PCDHA2: variants seen among roughly 807,000 people sequenced by gnomAD.
The protein encoded by PCDHA2 is protocadherin alpha 2, also known as protocadherin alpha-2.
In PCDHA2, 58 loss-of-function variants were observed where a neutral mutation model predicts 66.0. The ratio of observed to expected loss-of-function variants is 0.88; its 90% CI spans 0.71 to 1.09. PCDHA2 has a LOEUF of 1.09. Ranked by LOEUF, PCDHA2 falls within the 50% of genes least tolerant of loss-of-function variation. PCDHA2 has a pLI of 0.00. For missense variants in PCDHA2, 1,267 were observed against 1,242.3 expected, an observed-to-expected ratio of 1.02 and a Z score of -0.30; for synonymous variants, 634 against 554.0, an observed-to-expected ratio of 1.14 and a Z score of -2.03.
At chr5:140,981,289 C>G (rs1554242771) in intron 2 of PCDHA2, among the ~76,000 whole-genome samples, 1 of 152,138 alleles carries the variant, frequency 6.6e-6, no homozygotes, top group Non-Finnish European at 1.5e-5. Flanking sequence ...AAAGGGTCCT[C>G]TAGTCTAGGT....
chr5:140,997,668 T>TTGTGTGTGTGTG (rs35184029), intron 3 of PCDHA2, among the ~76,000 whole-genome samples: 18 of 148,344 alleles, frequency 1.2e-4, no homozygotes, highest in Middle Eastern at 3.4e-3. Flanking sequence ...ATTATACAGC[T>TTGTGTGTGTGTG]TGTGTGTGTG....
chr5:140,926,405 T>C (rs1554203436), intron 1 of PCDHA2: 1 of 152,454 alleles, frequency 6.6e-6, no homozygotes, highest in Non-Finnish European at 1.5e-5. Context: ...TTATCAGCAA[T>C]CTGCGGGCAG....
intron 1 of PCDHA2, chr5:140,825,159 C>CT (rs1768465166): frequency 6.6e-6 from 1 of 151,540 alleles, no homozygotes; most frequent in Non-Finnish European, 1.5e-5. Flanking sequence ...TTTAATCTTG[C>CT]TTTTTTCATT....
rs2150482959 is a variant in PCDHA2, at chr5:140,850,410, G to C, written c.2388+53058G>C. The C allele has an allele frequency of 5.8e-5, 93 of 1,597,818 alleles. 8 individuals carry two copies. The highest frequency in any genetic ancestry group is 7.6e-5 in the Non-Finnish European group (89 of 1,167,718). On this transcript the variant is annotated intron_variant, in intron 1 of 3. Coordinates refer to ENST00000526136, the MANE Select transcript of PCDHA2 (RefSeq NM_018905.3). ...GATCAGCACAACGCGTGCCCTGGAC[G>C]AAACGGACGCACCGCGCCAGCGCCT...
In PCDHA2 at chr5:140,883,730, G is replaced by A. The variant is rs140457638; in HGVS notation, c.2388+86378G>A. On this transcript the variant is annotated intron_variant, in intron 1 of 3. Transcript: ENST00000526136. ...TCAGGACGCGGACGCACAGGAGAAC[G>A]CGCTGGTCTCCTACTCGCTGGTGGA... The A allele has an allele frequency of 3.7e-6, 6 of 1,613,412 alleles. No individual in the cohort carries two copies. In the African/African-American group the frequency reaches 6.7e-5, roughly 18 times the overall value.
chr5:140,857,805 C>T lies in PCDHA2; in HGVS notation c.2388+60453C>T, dbSNP rs1311256758. On this transcript the variant is annotated intron_variant, in intron 1 of 3. Coordinates refer to ENST00000526136, the MANE Select transcript of PCDHA2 (RefSeq NM_018905.3). ...GAGCTGGTGCTGCGGTCGGTGGTTG[C>T]GGGTCACGTGGTGGCTAAGGTGCGC... The T allele has an allele frequency of 2.9e-5, 47 of 1,597,594 alleles. 7 individuals are homozygous for T. The highest frequency in any genetic ancestry group is 5.1e-5 in the Admixed American group (3 of 59,234).
rs782762108 is a variant in PCDHA2 at position 140,876,906 on chromosome 5, G to A, written c.2388+79554G>A. 3.7e-6 allele frequency: 6 copies of A among 1,613,910 alleles called. No homozygotes were observed. In the African/African-American group the frequency reaches 8.0e-5, roughly 22 times the overall value. On this transcript the variant is annotated intron_variant, in intron 1 of 3. Transcript: ENST00000526136. Reference sequence around the variant, plus strand: ...CGGGCTGCCACATCTTCACGGTGTCGGCATGGGACGCGGACGCGCAGAAGA... The same window carrying A: ...CGGGCTGCCACATCTTCACGGTGTCAGCATGGGACGCGGACGCGCAGAAGA...
intron 1 of PCDHA2, among the ~76,000 whole-genome samples, chr5:140,954,765 C>T (rs1305270750): frequency 6.6e-6 from 1 of 152,064 alleles, no homozygotes; most frequent in Non-Finnish European, 1.5e-5. Context: ...TGCAGAAGCT[C>T]TTTAATTTAA....
chr5:140,979,002 G>A lies in PCDHA2; in HGVS notation c.2442G>A (p.Met814Ile). 6.2e-7 allele frequency: 1 copy of A among 1,614,130 alleles called. No homozygotes were observed. The highest frequency in any genetic ancestry group is 8.5e-7 in the Non-Finnish European group (1 of 1,180,014). ...WRYSASLRAG[M>I]HSSVHLEEAG... ...ACTCTGCCTCCCTGAGAGCAGGCAT[G>A]CACAGGTATGTATTTCCCTCCTCAT... The change falls in exon 2 of 4, where the codon ATG becomes ATA. Residue 814 changes from methionine (M) to isoleucine (I), a missense_variant. Transcript: ENST00000526136.
chr5:140,823,261 C>A, intron 1 of PCDHA2: 4 of 1,613,028 alleles, frequency 2.5e-6, no homozygotes, highest in Non-Finnish European at 3.4e-6. Context: ...GCTGGTGGAG[C>A]GGCGGGTGGG....
At chr5:140,822,657 TA>T (rs2150118290) in intron 1 of PCDHA2, 18 of 1,608,594 alleles carry the variant, frequency 1.1e-5, no homozygotes, top group Non-Finnish European at 1.4e-5. Context: ...AATTTATAAT[TA>T]ATTCTAATAC....
At chr5:140,808,232 G>T (rs1554124466) in intron 1 of PCDHA2, 1 of 1,614,240 alleles carries the variant, frequency 6.2e-7, no homozygotes, top group Non-Finnish European at 8.5e-7. Flanking sequence ...TAATGTCCCA[G>T]ATTTGGAATT....
intron 1 of PCDHA2, chr5:140,883,731 C>T (rs1287936712): frequency 6.2e-7 from 1 of 1,613,446 alleles, no homozygotes; most frequent in East Asian, 2.2e-5. Flanking sequence ...CAGGAGAACG[C>T]GCTGGTCTCC....
intron 1 of PCDHA2, chr5:140,836,234 T>A: frequency 6.2e-7 from 1 of 1,613,668 alleles, no homozygotes; most frequent in Non-Finnish European, 8.5e-7. Context: ...TGGCGGCCGG[T>A]GCGAGCATCC....
At chr5:140,888,488 C>T (rs1257053839) in intron 1 of PCDHA2, among the ~76,000 whole-genome samples, 2 of 152,204 alleles carry the variant, frequency 1.3e-5, no homozygotes, top group African/African-American at 2.4e-5. Context: ...TGTTGAGAAA[C>T]TCTGCTTTAA....
chr5:140,796,803 G>T lies in PCDHA2; in HGVS notation c.1839G>T (p.Leu613=), dbSNP rs138489550. 7.2e-5 allele frequency: 117 copies of T among 1,614,012 alleles called. No individual in the cohort carries two copies. The highest frequency in any genetic ancestry group is 3.8e-5 in the Non-Finnish European group (45 of 1,179,980). ...CGTGGCTTTCGTACGAGCTTCAGCT[G>T]GGTACTGGCAGCGCTCGCATCCCGT... ...YNAWLSYELQ[L]GTGSARIPFR... is the part of the protein sequence containing the mutation. Residue 613 remains leucine (L), a synonymous_variant, in exon 1 of 4, where the codon CTG becomes CTT. Coordinates refer to ENST00000526136, the MANE Select transcript of PCDHA2 (RefSeq NM_018905.3).
At chr5:140,836,821 T>C in intron 1 of PCDHA2, 1 of 1,070,782 alleles carries the variant, frequency 9.3e-7, no homozygotes, top group Non-Finnish European at 1.3e-6. Flanking sequence ...CATAATTTCT[T>C]TTTTAGTTGA....
chr5:140,938,309 A>T (rs1379097876), intron 1 of PCDHA2, among the ~76,000 whole-genome samples: 1 of 152,216 alleles, frequency 6.6e-6, no homozygotes, highest in African/African-American at 2.4e-5. Flanking sequence ...AATTCAGTAT[A>T]AAATTGAATA....
intron 3 of PCDHA2, 116 bp downstream of exon 3, chr5:140,982,679 C>T: frequency 7.0e-7 from 1 of 1,436,546 alleles, no homozygotes; most frequent in Non-Finnish European, 9.2e-7. Flanking sequence ...TTGTTATTCC[C>T]TTTTTTCCAT....
Sources: allele counts gnomAD v4.1 joint callset (sites outside exome capture counted in the v4.1 genomes callset), GRCh38; gene constraint gnomAD v4.1.1; transcripts MANE v1.5; gene names NCBI Gene and HGNC (gene_info 2026-07-23, HGNC 2026-07-21).